DSG4: variants seen among roughly 807,000 people sequenced by gnomAD.
DSG4 encodes desmoglein 4, also known as desmoglein-4.
DSG4 carries 87 observed loss-of-function variants against 93.1 expected under a neutral mutation model. The observed-to-expected ratio is 0.93, with a 90% confidence interval of 0.79 to 1.12. The LOEUF (loss-of-function observed/expected upper bound fraction) is 1.12, where lower values mean the gene tolerates loss of function less well. Among genes scored for constraint, DSG4 ranks in the 50% most tolerant of loss-of-function variants. DSG4 has a pLI of 0.00. For synonymous variants in DSG4, 432 were observed against 452.9 expected (o/e 0.95, Z 0.59); for missense variants, 1,373 against 1,285.7 (o/e 1.07, Z -1.04).
Position 31,399,483 on chromosome 18 carries a change from A to G in DSG4, c.1217A>G (p.Tyr406Cys), listed in dbSNP as rs371158987. 5.0e-6 allele frequency: 8 copies of G among 1,613,984 alleles called. No individual in the cohort carries two copies. The highest frequency in any genetic ancestry group is 2.2e-5 in the East Asian group (1 of 44,884). ...ATAAAAGGAAGTTCCTTATTGAATTATGTGCTTGGCACATATACAGCCATA... is the reference window on the plus strand; with the variant it reads ...ATAAAAGGAAGTTCCTTATTGAATTGTGTGCTTGGCACATATACAGCCATA... The part of the protein sequence containing the change: ...EGIKGSSLLN[Y>C]VLGTYTAIDL... Residue 406 changes from tyrosine (Y) to cysteine (C), a missense_variant, in exon 9 of 16, where the codon TAT (tyrosine) becomes TGT (cysteine). Coordinates refer to ENST00000308128, the MANE Select transcript of DSG4 (RefSeq NM_177986.5).
intron 8 of DSG4, among the ~76,000 whole-genome samples, chr18:31,394,598 A>G (rs1182207169): frequency 6.6e-6 from 1 of 152,076 alleles, no homozygotes; most frequent in Non-Finnish European, 1.5e-5. Flanking sequence ...CTCTGAAAAG[A>G]CCACAGTTAT....
Position 31,384,657 on chromosome 18 carries a change from A to G in DSG4, c.49-479A>G, listed in dbSNP as rs182626537. The stretch of plus-strand genomic sequence containing the variant: ...CAGCATGTAGATTCTTGCATCTCCC[A>G]CAGCTCCTCATACGTTCCCTTACCT... On this transcript the variant is annotated intron_variant, in intron 1 of 15. Transcript: ENST00000308128. 4.6e-5 allele frequency among the ~76,000 whole-genome samples: 7 copies of G among 152,318 alleles called. No individual in the cohort carries two copies. The East Asian group carries it at 1.3e-3, about 29-fold the overall frequency.
chr18:31,401,667 T>A (rs2072369003), intron 10 of DSG4: 1 of 152,164 alleles, frequency 6.6e-6, no homozygotes, highest in Admixed American at 6.5e-5. Context: ...TATTTATCAA[T>A]AGTTAATGAT....
At chr18:31,378,482 T>C (rs1342077674) in intron 1 of DSG4, among the ~76,000 whole-genome samples, 3 of 152,196 alleles carry the variant, frequency 2.0e-5, no homozygotes, top group Non-Finnish European at 4.4e-5. Flanking sequence ...AGGCATGATT[T>C]ATGATAATAT....
At chr18:31,377,058 C>T in intron 1 of DSG4, 99 bp downstream of exon 1, 1 of 1,280,866 alleles carries the variant, frequency 7.8e-7, no homozygotes, top group Non-Finnish European at 1.1e-6. Context: ...CATTTTTAAT[C>T]TCCTTCCTGC....
chr18:31,409,766 C>T lies in DSG4; in HGVS notation c.2095C>T (p.Pro699Ser), dbSNP rs1247674843. ...EDRDVSNICA[P>S]MTASNTQDRM... ...TCAGGATGTGTCAAATATATGTGCA[C>T]CCATGACAGCCTCAAATACCCAGGA... Residue 699 changes from proline to serine, a missense_variant, in exon 14 of 16, where the codon CCC becomes TCC. Transcript: ENST00000308128. The T allele has an allele frequency of 1.9e-6, 3 of 1,614,126 alleles. No homozygotes were observed. Among genetic ancestry groups the T allele is most frequent in the Non-Finnish European group, 2.5e-6 (3 of 1,180,036 alleles).
In DSG4 at chr18:31,413,714, G is replaced by C; in HGVS notation, c.*119G>C. On this transcript the variant is annotated 3_prime_UTR_variant, in exon 16 of 16. Transcript: ENST00000308128. ...GTCAACAAATACTCAGATATTCTAA[G>C]GTCAATGCCATTATTTGATTATACC... 2 of 1,324,936 alleles carry C rather than the reference G, an allele frequency of 1.5e-6. No homozygotes were observed. Among genetic ancestry groups the C allele is most frequent in the South Asian group, 2.5e-5 (2 of 79,262 alleles). The allele number at this position is 1,324,936 out of a possible 1,614,324, so 82.1% of individuals were successfully genotyped here.
At chr18:31,407,283 A>G (rs982151779) in intron 12 of DSG4, among the ~76,000 whole-genome samples, 1 of 152,210 alleles carries the variant, frequency 6.6e-6, no homozygotes, top group Non-Finnish European at 1.5e-5. Flanking sequence ...CTTCAGTACA[A>G]TGGCACAGAA....
In DSG4 at chr18:31,403,346, C is replaced by G; in HGVS notation, c.1418-70C>G. ...TTTCCTACAAGTTCCATGGCATCATCAGGGGATATGAGAAAGAGTTTTCTC... is the reference window on the plus strand; with the variant it reads ...TTTCCTACAAGTTCCATGGCATCATGAGGGGATATGAGAAAGAGTTTTCTC... On this transcript the variant is annotated intron_variant, in intron 10 of 15. Transcript: ENST00000308128. 5 of 1,272,538 alleles carry G rather than the reference C, an allele frequency of 3.9e-6. No individual in the cohort carries two copies. The Admixed American group carries it at 9.7e-5, about 25-fold the overall frequency. 78.8% of individuals were successfully genotyped at this position (1,272,538 alleles called of 1,614,324 possible).
chr18:31,394,680 GAA>G (rs5823804), intron 8 of DSG4, among the ~76,000 whole-genome samples: 134,504 of 146,146 alleles, frequency 0.92, 61,854 homozygotes, highest in African/African-American at 0.97. Context: ...AGTAAAAATG[GAA>G]AAAAAAAAAA....
rs1475500954 is a variant in DSG4, at chr18:31,414,727, TAAATAAAATGGAAAC to T, written c.*1134_*1148del. On this transcript the variant is annotated 3_prime_UTR_variant, in exon 16 of 16. Transcript: ENST00000308128. ...TTGCAACACTACTGTTTATGTTGAA[TAAATAAAATGGAAAC>T]ACATTGCTTACTTTTCGTAGGCATA... The T allele has an allele frequency of 1.3e-5, 2 of 152,196 alleles. No homozygotes were observed. Among genetic ancestry groups the T allele is most frequent in the African/African-American group, 2.4e-5 (1 of 41,446 alleles). 9.4% of individuals were successfully genotyped at this position (152,196 alleles called of 1,614,324 possible). A position where few individuals can be genotyped will look rare whatever the true frequency, so the allele number is the denominator to read the frequency against.
rs919106285 is a variant in DSG4 at position 31,412,185 on chromosome 18, C to A, written c.2356-643C>A. Among the ~76,000 whole-genome samples the A allele has an allele frequency of 1.3e-5, 2 of 152,150 alleles. 1 individual carries two copies. The highest frequency in any genetic ancestry group is 4.8e-5 in the African/African-American group (2 of 41,424). On this transcript the variant is annotated intron_variant, in intron 15 of 15. Transcript: ENST00000308128. ...TTCATATACCCAATGGAATATTATT[C>A]AGCCATAAAAAATGAAATTTTGTCA... is the stretch of plus-strand genomic sequence containing the variant.
At chr18:31,401,925 G>A (rs537009990) in intron 10 of DSG4, among the ~76,000 whole-genome samples, 1 of 152,194 alleles carries the variant, frequency 6.6e-6, no homozygotes, top group South Asian at 2.1e-4. Flanking sequence ...GTACATCCTG[G>A]GCTTCATCCT....
intron 11 of DSG4, 130 bp downstream of exon 11, chr18:31,403,764 T>C (rs1301456108): frequency 3.6e-6 from 3 of 832,696 alleles, no homozygotes; most frequent in Non-Finnish European, 5.9e-6. Context: ...TAACATTAAA[T>C]GAAAAAAATA....
chr18:31,399,682 G>C (rs1568068232), intron 9 of DSG4, 139 bp downstream of exon 9: 7 of 1,141,076 alleles, frequency 6.1e-6, no homozygotes, highest in Non-Finnish European at 8.8e-6. Context: ...GACTATTAGA[G>C]CATTTGAAAT....
chr18:31,406,216 C>A lies in DSG4; in HGVS notation c.1776C>A (p.Asn592Lys), dbSNP rs1295559729. 1 of 1,614,012 alleles carries A rather than the reference C, an allele frequency of 6.2e-7. No individual in the cohort carries two copies. Among genetic ancestry groups the A allele is most frequent in the African/African-American group, 1.3e-5 (1 of 74,890 alleles). Reference protein sequence around the residue: ...VQLYACDCDDNHMCLDSGAAG... With the variant: ...VQLYACDCDDKHMCLDSGAAG... The stretch of plus-strand genomic sequence containing the variant: ...TATATGCCTGTGATTGCGATGACAA[C>A]CACATGTGCCTGGACTCTGGTGCCG... Residue 592 changes from asparagine (N) to lysine (K), a missense_variant, in exon 12 of 16, where the codon AAC becomes AAA. Physicochemically the swap from Asn to Lys is moderately conservative, Grantham distance 94. Transcript: ENST00000308128.
chr18:31,401,119 A>C, intron 10 of DSG4, 99 bp downstream of exon 10: 1 of 1,063,804 alleles, frequency 9.4e-7, no homozygotes, highest in Non-Finnish European at 1.3e-6. Flanking sequence ...AGACATTTTT[A>C]ATGGTGTATG....
chr18:31,406,033 C>G, intron 11 of DSG4, 44 bp from the exon 12 acceptor site: 1 of 1,611,668 alleles, frequency 6.2e-7, no homozygotes, highest in Non-Finnish European at 8.5e-7. Flanking sequence ...CCTAGCCCAC[C>G]AAGGAATTTC....
At chr18:31,393,513 G>C (rs1452881328) in intron 8 of DSG4, among the ~76,000 whole-genome samples, 1 of 152,122 alleles carries the variant, frequency 6.6e-6, no homozygotes, top group Non-Finnish European at 1.5e-5. Context: ...AGAGAGAAGG[G>C]GGAGGTCCTA....
Sources: allele counts gnomAD v4.1 joint callset (sites outside exome capture counted in the v4.1 genomes callset), GRCh38; gene constraint gnomAD v4.1.1; transcripts MANE v1.5; gene names NCBI Gene and HGNC (gene_info 2026-07-23, HGNC 2026-07-21).